Variants in STK33 observed in about 807,000 individuals in gnomAD.
STK33 encodes the protein serine/threonine kinase 33.
Under a neutral mutation model 58.0 loss-of-function variants are expected in STK33, and 52 were observed. That is an observed-to-expected ratio of 0.90 (90% CI 0.72 to 1.13). The LOEUF (loss-of-function observed/expected upper bound fraction) is 1.13, where lower values mean the gene tolerates loss of function less well. Ranked by LOEUF, STK33 falls within the 50% of genes most tolerant of loss-of-function variation. STK33 has a pLI of 0.00. For missense variants in STK33, 630 were observed against 604.2 expected (o/e 1.04, Z -0.45); for synonymous variants, 215 against 200.1 (o/e 1.07, Z -0.63).
the STK33 span, among the ~76,000 whole-genome samples, chr11:8,362,916 T>TCCTTCCTCCTTTCCTC: frequency 3.9e-3 from 586 of 149,182 alleles, 3 homozygotes; most frequent in African/African-American, 0.012. Flanking sequence ...CTTCCTTCCT[T>TCCTTCCTCCTTTCCTC]CCTCCCTCCT....
At chr11:8,370,202 C>CTT in the STK33 span, among the ~76,000 whole-genome samples, 2 of 148,278 alleles carry the variant, frequency 1.3e-5, no homozygotes, top group African/African-American at 4.9e-5. Flanking sequence ...AAAGATGAGG[C>CTT]TTTTTTTTTT....
chr11:8,390,317 C>A (rs75753634), downstream of STK33, among the ~76,000 whole-genome samples: 1,865 of 152,308 alleles, frequency 0.012, 39 homozygotes, highest in African/African-American at 0.042. Flanking sequence ...ACAGCAAAAC[C>A]CAGCTCCCCA....
chr11:8,455,273 A>C (rs1011630695), intron 9 of STK33, among the ~76,000 whole-genome samples: 1 of 152,198 alleles, frequency 6.6e-6, no homozygotes, highest in Non-Finnish European at 1.5e-5. Flanking sequence ...ACTTGGCTAC[A>C]TATATACAAA....
chr11:8,513,840 T>C (rs1436394350), intron 1 of STK33, among the ~76,000 whole-genome samples: 1 of 152,200 alleles, frequency 6.6e-6, no homozygotes, highest in African/African-American at 2.4e-5. Flanking sequence ...CTCTTTTAGT[T>C]ATTTTTAAAT....
At chr11:8,472,745 T>C (rs1450917438) in intron 6 of STK33, among the ~76,000 whole-genome samples, 1 of 152,180 alleles carries the variant, frequency 6.6e-6, no homozygotes, top group African/African-American at 2.4e-5. Flanking sequence ...GTATTGGTAT[T>C]TATCCAATCG....
the STK33 span, among the ~76,000 whole-genome samples, chr11:8,384,063 T>C: frequency 6.6e-6 from 1 of 152,186 alleles, no homozygotes; most frequent in African/African-American, 2.4e-5. Flanking sequence ...GTTACCCAGG[T>C]GCCGAGGCAA....
the STK33 span, among the ~76,000 whole-genome samples, chr11:8,381,221 C>T: frequency 7.2e-5 from 11 of 152,194 alleles, no homozygotes; most frequent in African/African-American, 1.4e-4. Context: ...ACAATTCATC[C>T]GTGTAACCAA....
the STK33 span, among the ~76,000 whole-genome samples, chr11:8,347,948 G>T: frequency 1.3e-5 from 2 of 152,214 alleles, no homozygotes; most frequent in African/African-American, 2.4e-5. Context: ...CCTGGATGGT[G>T]CATCCTGCCT....
At chr11:8,514,345 T>G (rs1342163090) in intron 1 of STK33, among the ~76,000 whole-genome samples, 2 of 152,316 alleles carry the variant, frequency 1.3e-5, no homozygotes, top group East Asian at 3.9e-4. Flanking sequence ...AGATTAAACC[T>G]TTGTGGGTTA....
At chr11:8,386,628 G>A in the STK33 span, among the ~76,000 whole-genome samples, 6 of 152,158 alleles carry the variant, frequency 3.9e-5, no homozygotes, top group African/African-American at 1.2e-4. Flanking sequence ...GACGTCTCCC[G>A]TCCTGCACCA....
intron 14 of STK33, among the ~76,000 whole-genome samples, chr11:8,428,009 C>A (rs1272115394): frequency 6.6e-6 from 1 of 152,132 alleles, no homozygotes; most frequent in Non-Finnish European, 1.5e-5. Context: ...CTTGGGAGAT[C>A]AAGGAAGAGT....
At position 8,499,598 on chromosome 11, in the gene STK33, G is replaced by A. The variant is rs374556412; in HGVS notation, c.-465-18984C>T. Among the ~76,000 whole-genome samples, 15 of 152,202 alleles carry A rather than the reference G, an allele frequency of 9.9e-5. No homozygotes were observed. In the East Asian group the frequency reaches 1.5e-3, roughly 16 times the overall value. On this transcript the variant is annotated intron_variant, in intron 1 of 15. Coordinates refer to ENST00000687296, the MANE Select transcript of STK33 (RefSeq NM_001352389.2). ...ATATACCCAAAGGATTATAAATCAC[G>A]CTACTATAAAGACACATGCACACGT... is the stretch of plus-strand genomic sequence containing the variant.
At chr11:8,355,371 T>C in the STK33 span, among the ~76,000 whole-genome samples, 1 of 152,238 alleles carries the variant, frequency 6.6e-6, no homozygotes, top group Non-Finnish European at 1.5e-5. Context: ...ATCTGTCATT[T>C]CATTTATTTC....
At chr11:8,513,881 C>T (rs1952542676) in intron 1 of STK33, among the ~76,000 whole-genome samples, 1 of 152,094 alleles carries the variant, frequency 6.6e-6, no homozygotes, top group African/African-American at 2.4e-5. Flanking sequence ...ACTACTGTCA[C>T]CCTGCAGTGC....
chr11:8,543,560 T>C (rs1279471493), intron 1 of STK33, among the ~76,000 whole-genome samples: 9 of 151,902 alleles, frequency 5.9e-5, no homozygotes, highest in Non-Finnish European at 1.3e-4. Flanking sequence ...ACTGAACTCA[T>C]AGATGTAGAA....
At chr11:8,520,182 G>A (rs796100714) in intron 1 of STK33, among the ~76,000 whole-genome samples, 1 of 151,758 alleles carries the variant, frequency 6.6e-6, no homozygotes, top group Non-Finnish European at 1.5e-5. Context: ...TGCAAGGCTG[G>A]TTCAACATAT....
At chr11:8,379,494 GAC>G in the STK33 span, among the ~76,000 whole-genome samples, 4 of 151,942 alleles carry the variant, frequency 2.6e-5, no homozygotes, top group African/African-American at 7.3e-5. Flanking sequence ...GACATGAACA[GAC>G]ATTTCTCAAA....
chr11:8,567,728 C>G (rs1009365843), intron 1 of STK33, among the ~76,000 whole-genome samples: 2 of 152,102 alleles, frequency 1.3e-5, no homozygotes, highest in African/African-American at 4.8e-5. Context: ...ATCCTTTAAA[C>G]CAAAAACAAA....
the STK33 span, among the ~76,000 whole-genome samples, chr11:8,347,748 C>T: frequency 2.0e-5 from 3 of 152,224 alleles, no homozygotes; most frequent in Non-Finnish European, 4.4e-5. Context: ...ACCTGACCAA[C>T]AGCACAAGCC....
Sources: allele counts gnomAD v4.1 joint callset (sites outside exome capture counted in the v4.1 genomes callset), GRCh38; gene constraint gnomAD v4.1.1; transcripts MANE v1.5; gene names NCBI Gene and HGNC (gene_info 2026-07-23, HGNC 2026-07-21).